The following ZFPM2 variants were observed in gnomAD, a reference collection of about 807,000 sequenced individuals.
ZFPM2 encodes the protein zinc finger protein, FOG family member 2.
In ZFPM2, 20 loss-of-function variants were observed where a neutral mutation model predicts 98.6. The observed-to-expected ratio is 0.20, with a 90% CI of 0.14 to 0.29. ZFPM2 has a LOEUF of 0.29. Among genes scored for constraint, ZFPM2 ranks in the 10% least tolerant of loss-of-function variants. ZFPM2 has a pLI of 1.00. For synonymous variants in ZFPM2, 518 were observed against 502.7 expected (o/e 1.03, Z -0.41); for missense variants, 1,310 against 1,388.6 (o/e 0.94, Z 0.90).
chr8:105,330,557 T>C (rs58762505), intron 1 of ZFPM2, among the ~76,000 whole-genome samples: 2,078 of 120,452 alleles, frequency 0.017, 52 homozygotes, highest in East Asian at 0.038. Context: ...TATATACATA[T>C]ATATATATAT....
intron 5 of ZFPM2, among the ~76,000 whole-genome samples, chr8:105,771,888 A>G (rs1812984408): frequency 1.3e-5 from 2 of 152,090 alleles, no homozygotes; most frequent in Admixed American, 1.3e-4. Flanking sequence ...CTTGTTTTTA[A>G]CTTCCTTTGT....
At chr8:105,406,661 T>A (rs1182704217) in intron 1 of ZFPM2, among the ~76,000 whole-genome samples, 2 of 151,976 alleles carry the variant, frequency 1.3e-5, no homozygotes, top group African/African-American at 2.4e-5. Context: ...TGTCTTAGAA[T>A]AACCTGGATG....
chr8:105,613,287 A>G (rs957235084), intron 4 of ZFPM2, among the ~76,000 whole-genome samples: 11 of 152,112 alleles, frequency 7.2e-5, no homozygotes, highest in African/African-American at 2.7e-4. Flanking sequence ...GGTTGAGAAT[A>G]GACAGGGAAG....
At chr8:105,635,440 AAG>A (rs1158075536) in intron 5 of ZFPM2, among the ~76,000 whole-genome samples, 1 of 152,068 alleles carries the variant, frequency 6.6e-6, no homozygotes, top group African/African-American at 2.4e-5. Context: ...AAACACCAGA[AAG>A]AGGGAATTTG....
At chr8:105,428,055 A>G (rs1371697195) in intron 2 of ZFPM2, among the ~76,000 whole-genome samples, 1 of 152,208 alleles carries the variant, frequency 6.6e-6, no homozygotes, top group African/African-American at 2.4e-5. Flanking sequence ...AGACTAACAC[A>G]AAATTAAAAC....
chr8:105,791,549 C>A (rs1177801130), intron 6 of ZFPM2, among the ~76,000 whole-genome samples: 1 of 152,064 alleles, frequency 6.6e-6, no homozygotes, highest in African/African-American at 2.4e-5. Context: ...GTCTAAAATT[C>A]TCTTTTTTGG....
At chr8:105,402,581 T>C (rs1270436592) in intron 1 of ZFPM2, among the ~76,000 whole-genome samples, 2 of 152,068 alleles carry the variant, frequency 1.3e-5, no homozygotes, top group South Asian at 2.1e-4. Context: ...TCTCTATTAA[T>C]CTAATATGTG....
At chr8:105,681,127 A>G (rs76832975) in intron 5 of ZFPM2, among the ~76,000 whole-genome samples, 2,065 of 152,312 alleles carry the variant, frequency 0.014, 35 homozygotes, top group Non-Finnish European at 0.023. Context: ...ATGATAATCA[A>G]AACTCATGAG....
At chr8:105,708,026 C>T (rs1811301867) in intron 5 of ZFPM2, among the ~76,000 whole-genome samples, 1 of 152,176 alleles carries the variant, frequency 6.6e-6, no homozygotes, top group Non-Finnish European at 1.5e-5. Context: ...TCCACCCTAA[C>T]TGCGAGAGAG....
intron 4 of ZFPM2, among the ~76,000 whole-genome samples, chr8:105,627,682 C>T (rs1816684122): frequency 6.6e-6 from 1 of 152,134 alleles, no homozygotes; most frequent in South Asian, 2.1e-4. Flanking sequence ...TCTCATACTC[C>T]CTGACCACTG....
chr8:105,728,759 GT>G (rs1811868065), intron 5 of ZFPM2, among the ~76,000 whole-genome samples: 1 of 151,772 alleles, frequency 6.6e-6, no homozygotes, highest in Non-Finnish European at 1.5e-5. Flanking sequence ...GTTCCCTAAT[GT>G]GTTGATTTAC....
intron 2 of ZFPM2, among the ~76,000 whole-genome samples, chr8:105,438,025 A>G (rs1812160158): frequency 6.6e-6 from 1 of 152,168 alleles, no homozygotes; most frequent in Non-Finnish European, 1.5e-5. Context: ...CCTGGCAGGG[A>G]GAGACTCTGT....
intron 5 of ZFPM2, among the ~76,000 whole-genome samples, chr8:105,682,127 G>A (rs535452841): frequency 9.2e-5 from 14 of 152,144 alleles, no homozygotes; most frequent in East Asian, 1.9e-4. Context: ...CATATCTTCC[G>A]TTCAAGCCAT....
intron 5 of ZFPM2, among the ~76,000 whole-genome samples, chr8:105,712,623 C>T (rs147110943): frequency 4.6e-5 from 7 of 151,876 alleles, no homozygotes; most frequent in South Asian, 4.2e-4. Context: ...GGTTATATTG[C>T]GTGATGCTGA....
intron 6 of ZFPM2, chr8:105,798,447 C>T (rs551014287): frequency 6.8e-6 from 2 of 292,530 alleles, no homozygotes; most frequent in South Asian, 5.6e-5. Context: ...GAGAATCTGT[C>T]GCAAAAAATA....
At chr8:105,354,270 C>T (rs1812700385) in intron 1 of ZFPM2, among the ~76,000 whole-genome samples, 1 of 152,204 alleles carries the variant, frequency 6.6e-6, no homozygotes, top group Admixed American at 6.5e-5. Context: ...AAGGACAGTA[C>T]TTTGAATGTC....
At chr8:105,456,457 T>C (rs1812595125) in intron 3 of ZFPM2, among the ~76,000 whole-genome samples, 1 of 152,110 alleles carries the variant, frequency 6.6e-6, no homozygotes, top group African/African-American at 2.4e-5. Flanking sequence ...TAAATTAATA[T>C]ATAAAGTACT....
intron 5 of ZFPM2, among the ~76,000 whole-genome samples, chr8:105,710,088 G>A (rs1586212216): frequency 6.8e-6 from 1 of 146,310 alleles, no homozygotes; most frequent in Non-Finnish European, 1.5e-5. Context: ...TATTTAGTCT[G>A]ATCCTTTTTT....
chr8:105,581,436 A>G (rs1385774855), intron 4 of ZFPM2, among the ~76,000 whole-genome samples: 2 of 151,882 alleles, frequency 1.3e-5, no homozygotes, highest in African/African-American at 4.8e-5. Flanking sequence ...CCAAAGCTTA[A>G]AGAATAGAAA....
Sources: allele counts gnomAD v4.1 joint callset (sites outside exome capture counted in the v4.1 genomes callset), GRCh38; gene constraint gnomAD v4.1.1; transcripts MANE v1.5; gene names NCBI Gene and HGNC (gene_info 2026-07-23, HGNC 2026-07-21).